Variants in EPS8 observed in about 807,000 individuals in gnomAD.
EPS8 encodes epidermal growth factor receptor kinase substrate 8.
Under a neutral mutation model 103.8 loss-of-function variants are expected in EPS8, and 42 were observed. The observed-to-expected ratio is 0.40, with a 90% CI of 0.32 to 0.52. The LOEUF (loss-of-function observed/expected upper bound fraction) is 0.52, where lower values mean the gene tolerates loss of function less well. Ranked by LOEUF, EPS8 falls within the 20% of genes least tolerant of loss-of-function variation. The pLI is 0.40. For synonymous variants in EPS8, 344 were observed against 344.6 expected, an observed-to-expected ratio of 1.00 and a Z score of 0.02; for missense variants, 969 against 1,005.1, an observed-to-expected ratio of 0.96 and a Z score of 0.49.
chr12:15,704,901 C>T lies in EPS8; in HGVS notation c.-21-21929G>A, dbSNP rs369909316. ...GAAGATTAACAATTTCCTTGGCATG[C>T]GTGCGCATGCACACACACACACAAA... is the stretch of plus-strand genomic sequence containing the variant. On this transcript the variant is annotated intron_variant, in intron 1 of 20. Coordinates refer to ENST00000281172, the MANE Select transcript of EPS8 (RefSeq NM_004447.6). The surrounding 1 kb of genome is among the most constrained non-coding windows in gnomAD (Gnocchi z 4.6). Among the ~76,000 whole-genome samples, 1 of 152,092 alleles carries T rather than the reference C, an allele frequency of 6.6e-6. No individual in the cohort carries two copies. Among genetic ancestry groups the T allele is most frequent in the African/African-American group, 2.4e-5 (1 of 41,408 alleles).
At position 15,761,455 on chromosome 12, in the gene EPS8, A is replaced by G. The variant is rs1251089260; in HGVS notation, c.-22+27706T>C. ...ACAATCCTAAAATTTATATGGACCC[A>G]CAAAAGACCCAGTATACCCAAAGCT... On this transcript the variant is annotated intron_variant, in intron 1 of 20. Coordinates refer to ENST00000281172, the MANE Select transcript of EPS8 (RefSeq NM_004447.6). The surrounding 1 kb of genome is among the most constrained non-coding windows in gnomAD (Gnocchi z 4.5). Among the ~76,000 whole-genome samples the G allele has an allele frequency of 6.6e-6, 1 of 152,142 alleles. No homozygotes were observed. The highest frequency in any genetic ancestry group is 1.5e-5 in the Non-Finnish European group (1 of 68,008).
chr12:15,647,150 T>C lies in EPS8; in HGVS notation c.1545A>G (p.Pro515=), dbSNP rs911267508. ...DQGEAAVAFK[P]TSNRHIDRNY... ...ACCTATCTATATGGCGATTAGAAGT[T>C]GGCTTAAAAGCAACAGCAGCTTCCC... The change falls in exon 15 of 21, where the codon CCA becomes CCG. Residue 515 remains proline, a synonymous_variant. Transcript: ENST00000281172. The C allele has an allele frequency of 2.5e-6, 4 of 1,613,936 alleles. No individual in the cohort carries two copies. Among genetic ancestry groups the C allele is most frequent in the Admixed American group, 1.7e-5 (1 of 59,978 alleles).
intron 8 of EPS8, among the ~76,000 whole-genome samples, chr12:15,663,917 T>C (rs1945651967): frequency 7.0e-5 from 1 of 14,222 alleles, no homozygotes; most frequent in African/African-American, 2.0e-4. Context: ...CAACACTCCA[T>C]CTCAAAAAAA....
At chr12:15,680,095 A>G (rs1299946572) in intron 3 of EPS8, among the ~76,000 whole-genome samples, 2 of 152,156 alleles carry the variant, frequency 1.3e-5, no homozygotes, top group Non-Finnish European at 2.9e-5. Flanking sequence ...AATAAACTGA[A>G]ACCAACAACA....
In EPS8 at chr12:15,647,200, T is replaced by C. The variant is rs762224577; in HGVS notation, c.1495A>G (p.Thr499Ala). The change falls in exon 15 of 21, where the codon ACA becomes GCA. Residue 499 changes from threonine to alanine, a missense_variant. Transcript: ENST00000281172. ...DGYAFSSNIYTRGSHLDQGEA... is the reference protein window; with the variant it reads ...DGYAFSSNIYARGSHLDQGEA... ...CCTTGGTCCAGGTGGGATCCTCTTG[T>C]GTAAATGTTGCTACTGAACGCATAG... 23 of 1,613,976 alleles carry C rather than the reference T, an allele frequency of 1.4e-5. No homozygotes were observed. The South Asian group carries it at 2.3e-4, about 16-fold the overall frequency.
intron 13 of EPS8, among the ~76,000 whole-genome samples, chr12:15,651,942 T>A (rs1181867641): frequency 2.0e-5 from 3 of 152,126 alleles, no homozygotes; most frequent in Admixed American, 6.6e-5. Flanking sequence ...TTTTGAATGT[T>A]AATTAATTTT....
chr12:15,699,591 A>G (rs1482637811), intron 1 of EPS8, among the ~76,000 whole-genome samples: 3 of 152,212 alleles, frequency 2.0e-5, no homozygotes, highest in Non-Finnish European at 2.9e-5. Context: ...GAAATATATG[A>G]CAATTAAACA....
chr12:15,694,609 A>G (rs1351756327), intron 1 of EPS8, among the ~76,000 whole-genome samples: 3 of 152,194 alleles, frequency 2.0e-5, no homozygotes, highest in Non-Finnish European at 2.9e-5. Context: ...ATTTAAATTG[A>G]TACAGCTGGG....
At chr12:15,641,688 T>C (rs1450769760) in intron 16 of EPS8, 34 bp downstream of exon 16, 2 of 1,042,220 alleles carry the variant, frequency 1.9e-6, no homozygotes, top group Non-Finnish European at 2.8e-6. Context: ...AAAACTACTT[T>C]ATTAAGAGTA....
chr12:15,686,643 G>A (rs964220196), intron 1 of EPS8, among the ~76,000 whole-genome samples: 34 of 152,016 alleles, frequency 2.2e-4, no homozygotes, highest in African/African-American at 7.7e-4. Context: ...TGACTAAGAA[G>A]AAATAAACAA....
chr12:15,695,678 G>A lies in EPS8; in HGVS notation c.-21-12706C>T, dbSNP rs1158426008. Among the ~76,000 whole-genome samples the A allele has an allele frequency of 6.6e-6, 1 of 152,136 alleles. No individual in the cohort carries two copies. The highest frequency in any genetic ancestry group is 1.5e-5 in the Non-Finnish European group (1 of 68,014). On this transcript the variant is annotated intron_variant, in intron 1 of 20. Transcript: ENST00000281172. This position sits in a 1 kb window ranked among gnomAD's most constrained non-coding sequence, Gnocchi z 5.0. ...TTACAATCTAGAGGGAGGAGAGCAT[G>A]AAATAAGAAAATGAGGCAGGGCATG...
chr12:15,656,572 G>A (rs1425412853), intron 12 of EPS8, among the ~76,000 whole-genome samples: 2 of 152,074 alleles, frequency 1.3e-5, no homozygotes. Flanking sequence ...GGGAAAGAAG[G>A]ATGAGATTTA....
At position 15,778,451 on chromosome 12, in the gene EPS8, T is replaced by G. The variant is rs1947228842; in HGVS notation, c.-22+10710A>C. Among the ~76,000 whole-genome samples the G allele has an allele frequency of 6.6e-6, 1 of 152,192 alleles. No individual in the cohort carries two copies. Among genetic ancestry groups the G allele is most frequent in the Admixed American group, 6.6e-5 (1 of 15,264 alleles). On this transcript the variant is annotated intron_variant, in intron 1 of 20. Coordinates refer to ENST00000281172, the MANE Select transcript of EPS8 (RefSeq NM_004447.6). The surrounding 1 kb of genome is among the most constrained non-coding windows in gnomAD (Gnocchi z 4.5). The stretch of plus-strand genomic sequence containing the variant: ...AAAAGAACTACTGACAAAATTAATG[T>G]TCTCTCGACTAAAAGGATCTTGATG...
chr12:15,768,429 C>CA (rs71042268), intron 1 of EPS8, among the ~76,000 whole-genome samples: 12,185 of 24,572 alleles, frequency 0.5, 3,461 homozygotes, highest in East Asian at 0.62. Flanking sequence ...GACTCCATCT[C>CA]AAAAAAAAAA....
rs563415793 is a variant in EPS8 at position 15,731,490 on chromosome 12, G to C, written c.-21-48518C>G. On this transcript the variant is annotated intron_variant, in intron 1 of 20. Transcript: ENST00000281172. This position sits in a 1 kb window ranked among gnomAD's most constrained non-coding sequence, Gnocchi z 5.1. ...TTTTTGTATTTTTAGTAGAAACGGG[G>C]TTTCACCGTGTAGGCCAGGCTGGTC... Among the ~76,000 whole-genome samples the C allele has an allele frequency of 6.6e-5, 10 of 152,172 alleles. No individual in the cohort carries two copies. Among genetic ancestry groups the C allele is most frequent in the African/African-American group, 2.4e-4 (10 of 41,514 alleles).
intron 1 of EPS8, among the ~76,000 whole-genome samples, chr12:15,708,074 C>T (rs1032676715): frequency 6.6e-6 from 1 of 152,086 alleles, no homozygotes; most frequent in Non-Finnish European, 1.5e-5. Context: ...TCGAAACAGC[C>T]TATGATGCCA....
intron 1 of EPS8, among the ~76,000 whole-genome samples, chr12:15,726,222 C>T (rs1946651353): frequency 6.6e-6 from 1 of 151,822 alleles, no homozygotes; most frequent in Admixed American, 6.6e-5. Flanking sequence ...AGATGAAGGA[C>T]ATGTTGAGGA....
intron 10 of EPS8, 46 bp downstream of exon 10, chr12:15,660,568 C>A: frequency 2.1e-6 from 2 of 950,484 alleles, no homozygotes; most frequent in Non-Finnish European, 3.5e-6. Context: ...CCAGCCAGTA[C>A]TGGAGATCTA....
At chr12:15,621,828 G>A (rs543745448) in intron 20 of EPS8, among the ~76,000 whole-genome samples, 1 of 152,280 alleles carries the variant, frequency 6.6e-6, no homozygotes, top group African/African-American at 2.4e-5. Flanking sequence ...TCAGGCCAGA[G>A]TGGGCTCAGA....
Sources: allele counts gnomAD v4.1 joint callset (sites outside exome capture counted in the v4.1 genomes callset), GRCh38; gene constraint gnomAD v4.1.1; non-coding constraint Gnocchi (gnomAD v3.1); transcripts MANE v1.5; gene names NCBI Gene and HGNC (gene_info 2026-07-23, HGNC 2026-07-21).